CTNNA2: variants seen among roughly 807,000 people sequenced by gnomAD.
CTNNA2 encodes the protein catenin alpha 2, also known as catenin alpha-2.
A neutral mutation model predicts 101.0 loss-of-function variants in CTNNA2; 42 were observed. That is an observed-to-expected ratio of 0.42 (90% CI 0.32 to 0.54). The LOEUF is 0.54. Among genes scored for constraint, CTNNA2 ranks in the 20% least tolerant of loss-of-function variants. CTNNA2 has a pLI of 0.14. For missense variants in CTNNA2, 871 were observed against 1,223.1 expected (o/e 0.71, Z 4.29); for synonymous variants, 450 against 456.4 (o/e 0.99, Z 0.18).
intron 2 of CTNNA2, among the ~76,000 whole-genome samples, chr2:79,742,339 T>C (rs1411425151): frequency 6.6e-6 from 1 of 151,382 alleles, no homozygotes; most frequent in Non-Finnish European, 1.5e-5. Flanking sequence ...TTTTTTTTAA[T>C]TTGTGAAGTC....
intron 3 of CTNNA2, among the ~76,000 whole-genome samples, chr2:79,369,757 A>G (rs937962836): frequency 6.6e-6 from 1 of 152,020 alleles, no homozygotes; most frequent in African/African-American, 2.4e-5. Context: ...ATTTACCTCC[A>G]CTGGGAGTAT....
intron 2 of CTNNA2, among the ~76,000 whole-genome samples, chr2:79,278,401 G>A (rs1258141678): frequency 4.6e-5 from 7 of 151,960 alleles, no homozygotes; most frequent in Admixed American, 4.6e-4. Context: ...TGGTAATAGG[G>A]AAAGGTATTG....
At chr2:79,914,518 CTTG>C (rs1212317980) in intron 7 of CTNNA2, among the ~76,000 whole-genome samples, 1 of 152,106 alleles carries the variant, frequency 6.6e-6, no homozygotes, top group African/African-American at 2.4e-5. Flanking sequence ...GTGCCTGGTC[CTTG>C]TTGTGTCTTG....
At chr2:79,508,627 T>C (rs1178996320), upstream of CTNNA2, among the ~76,000 whole-genome samples, 2 of 152,054 alleles carry the variant, frequency 1.3e-5, no homozygotes, top group African/African-American at 4.8e-5. Context: ...AATTGACTCA[T>C]TGATATTAGA....
chr2:79,599,971 T>G (rs1244912431), intron 1 of CTNNA2, among the ~76,000 whole-genome samples: 1 of 152,126 alleles, frequency 6.6e-6, no homozygotes, highest in South Asian at 2.1e-4. Flanking sequence ...AACAGAGAGA[T>G]TGCAGAAACA....
intron 7 of CTNNA2, among the ~76,000 whole-genome samples, chr2:80,036,362 G>C (rs1695650239): frequency 6.6e-6 from 1 of 152,198 alleles, no homozygotes; most frequent in South Asian, 2.1e-4. Context: ...GGGAGGCCAA[G>C]GTGGGAAGAT....
Position 80,245,295 on chromosome 2 carries a change from T to C in CTNNA2, c.1057-147916T>C, listed in dbSNP as rs1573498438. 2.0e-5 allele frequency among the ~76,000 whole-genome samples: 3 copies of C among 152,370 alleles called. No individual in the cohort carries two copies. In the South Asian group the frequency reaches 6.2e-4, roughly 32 times the overall value. On this transcript the variant is annotated intron_variant, in intron 7 of 18. Transcript: ENST00000402739. ...CAAACATGAGAGCCTATGTAAAATA[T>C]TGATTTAGGGCATATTCCTAATCAT...
chr2:80,515,330 T>C (rs1329815534), intron 9 of CTNNA2, among the ~76,000 whole-genome samples: 1 of 151,986 alleles, frequency 6.6e-6, no homozygotes, highest in African/African-American at 2.4e-5. Context: ...GCTTCCCATA[T>C]GAAAAAAAGA....
intron 12 of CTNNA2, among the ~76,000 whole-genome samples, chr2:80,564,669 C>T (rs544229851): frequency 2.6e-5 from 4 of 152,162 alleles, no homozygotes; most frequent in African/African-American, 9.6e-5. Context: ...ATGGAAATGG[C>T]AGCCTTTAGA....
chr2:79,691,976 G>A (rs978319624), intron 2 of CTNNA2, among the ~76,000 whole-genome samples: 2 of 152,120 alleles, frequency 1.3e-5, no homozygotes, highest in African/African-American at 4.8e-5. Flanking sequence ...AAGACTTCAT[G>A]ACTAAAGCAC....
chr2:79,290,136 C>T (rs1310746124), intron 2 of CTNNA2, among the ~76,000 whole-genome samples: 1 of 152,142 alleles, frequency 6.6e-6, no homozygotes, highest in Non-Finnish European at 1.5e-5. Context: ...ATTTGTGTTA[C>T]TATAATCCAG....
intron 2 of CTNNA2, among the ~76,000 whole-genome samples, chr2:79,660,756 T>C (rs1207890247): frequency 6.6e-6 from 1 of 152,164 alleles, no homozygotes; most frequent in East Asian, 1.9e-4. Context: ...ATGGGAGTGA[T>C]ACTCTTTCTG....
intron 1 of CTNNA2, among the ~76,000 whole-genome samples, chr2:79,523,897 G>A (rs1672255350): frequency 6.6e-6 from 1 of 152,016 alleles, no homozygotes; most frequent in Admixed American, 6.6e-5. Context: ...TGTGATGAGT[G>A]TGTTCATGTT....
At chr2:80,374,383 C>A (rs778431324) in intron 7 of CTNNA2, among the ~76,000 whole-genome samples, 54 of 152,120 alleles carry the variant, frequency 3.5e-4, no homozygotes, top group Non-Finnish European at 7.1e-4. Flanking sequence ...GCTGAAGGAA[C>A]ATGATTTTGT....
At chr2:80,028,292 G>A (rs1013234671) in intron 7 of CTNNA2, 1 of 151,992 alleles carries the variant, frequency 6.6e-6, no homozygotes, top group Non-Finnish European at 1.5e-5. Context: ...GGTTGCTTTC[G>A]CAGCAAAACT....
intron 3 of CTNNA2, among the ~76,000 whole-genome samples, chr2:79,341,727 G>T (rs543353009): frequency 6.6e-6 from 1 of 152,262 alleles, no homozygotes; most frequent in South Asian, 2.1e-4. Context: ...AAATATTTTT[G>T]TTCTCTGCAC....
chr2:79,327,315 G>A (rs542599232), intron 3 of CTNNA2, among the ~76,000 whole-genome samples: 6 of 152,226 alleles, frequency 3.9e-5, no homozygotes, highest in South Asian at 2.1e-4. Context: ...TATTTTGCCC[G>A]AAGCATAAAC....
chr2:79,668,282 A>G (rs1232819403), intron 2 of CTNNA2, among the ~76,000 whole-genome samples: 1 of 150,642 alleles, frequency 6.6e-6, no homozygotes, highest in Non-Finnish European at 1.5e-5. Flanking sequence ...AAACTTGAAC[A>G]ACTTTCTCTT....
At chr2:80,094,448 C>A (rs1700010376) in intron 7 of CTNNA2, among the ~76,000 whole-genome samples, 1 of 152,186 alleles carries the variant, frequency 6.6e-6, no homozygotes, top group African/African-American at 2.4e-5. Flanking sequence ...ATGATGCCTC[C>A]AGCTTTGTTC....
Sources: gnomAD v4.1 joint callset for allele counts (sites outside exome capture counted in the v4.1 genomes callset) on GRCh38, gnomAD v4.1.1 for gene constraint, MANE v1.5 for transcripts, NCBI Gene and HGNC (gene_info 2026-07-23, HGNC 2026-07-21) for gene names.